Variants in TMTC1 observed in about 807,000 individuals in gnomAD.
The protein encoded by TMTC1 is protein O-mannosyl-transferase TMTC1.
TMTC1 carries 73 observed loss-of-function variants against 104.8 expected under a neutral mutation model. The observed-to-expected ratio is 0.70, with a 90% CI of 0.58 to 0.85. The LOEUF is 0.85. TMTC1 is among the 40% of genes least tolerant of loss of function. The pLI is 0.00. For synonymous variants in TMTC1, 434 were observed against 428.7 expected, an observed-to-expected ratio of 1.01 and a Z score of -0.15; for missense variants, 1,035 against 1,096.1, an observed-to-expected ratio of 0.94 and a Z score of 0.79.
chr12:29,596,916 C>G (rs748976335), intron 7 of TMTC1, among the ~76,000 whole-genome samples: 1 of 152,218 alleles, frequency 6.6e-6, no homozygotes, highest in Non-Finnish European at 1.5e-5. Flanking sequence ...TGGCTTTAGA[C>G]AAAAGACTCA....
At chr12:29,779,624 T>G (rs1943788237) in intron 1 of TMTC1, among the ~76,000 whole-genome samples, 1 of 152,350 alleles carries the variant, frequency 6.6e-6, no homozygotes, top group East Asian at 1.9e-4. Flanking sequence ...TAAGGAAATT[T>G]CTAGCTCTCA....
intron 7 of TMTC1, among the ~76,000 whole-genome samples, chr12:29,587,396 T>A (rs1253424187): frequency 1.3e-5 from 2 of 152,068 alleles, no homozygotes; most frequent in Non-Finnish European, 2.9e-5. Flanking sequence ...TGTAGTGGTA[T>A]GATCATGGCT....
chr12:29,509,187 A>G (rs572402722), intron 17 of TMTC1, among the ~76,000 whole-genome samples: 2 of 152,202 alleles, frequency 1.3e-5, no homozygotes, highest in African/African-American at 2.4e-5. Flanking sequence ...TAGAAAATGC[A>G]TATTTACTGT....
chr12:29,619,881 A>G (rs1247155585), intron 6 of TMTC1, among the ~76,000 whole-genome samples: 1 of 152,222 alleles, frequency 6.6e-6, no homozygotes, highest in African/African-American at 2.4e-5. Context: ...AAAGTGTGTT[A>G]CTACTATTAC....
chr12:29,697,728 A>G (rs916884491), intron 5 of TMTC1, among the ~76,000 whole-genome samples: 5 of 152,160 alleles, frequency 3.3e-5, no homozygotes, highest in Non-Finnish European at 7.4e-5. Context: ...TTGCAGGTGA[A>G]GTCCAAAGAC....
chr12:29,629,642 A>C (rs185493195), intron 6 of TMTC1, among the ~76,000 whole-genome samples: 2 of 152,336 alleles, frequency 1.3e-5, no homozygotes, highest in East Asian at 3.9e-4. Context: ...CAGAAAGCAC[A>C]TTAAAGGTTA....
chr12:29,568,984 A>T (rs1051940426), intron 9 of TMTC1: 2 of 456,034 alleles, frequency 4.4e-6, no homozygotes, highest in South Asian at 3.1e-5. Flanking sequence ...CTTTATTATT[A>T]CTGCAGGAGT....
chr12:29,700,239 G>GTT (rs1486035476), intron 5 of TMTC1, among the ~76,000 whole-genome samples: 7 of 132,770 alleles, frequency 5.3e-5, no homozygotes, highest in Admixed American at 1.5e-4. Flanking sequence ...TTTTTTTTTT[G>GTT]TTTTTTTTTT....
chr12:29,595,898 T>C (rs1946392951), intron 7 of TMTC1, among the ~76,000 whole-genome samples: 1 of 152,216 alleles, frequency 6.6e-6, no homozygotes, highest in African/African-American at 2.4e-5. Context: ...CAGCTTTCTT[T>C]TACACTGTGG....
Position 29,536,207 on chromosome 12 carries a change from A to G in TMTC1, c.1785+2T>C, listed in dbSNP as rs780029935. 1 of 1,587,148 alleles carries G rather than the reference A, an allele frequency of 6.3e-7. No homozygotes were observed. The highest frequency in any genetic ancestry group is 8.6e-7 in the Non-Finnish European group (1 of 1,156,206). On this transcript the variant is annotated splice_donor_variant, in intron 11 of 17. Coordinates refer to ENST00000539277, the MANE Select transcript of TMTC1 (RefSeq NM_001193451.2). LOFTEE classifies it high-confidence loss of function. ...AAAAAAACTACTGTGTGAAACAATT[A>G]CCTGCTCAGCCAATAACGAAGCTAA...
In TMTC1 at chr12:29,550,933, C is replaced by CAAAAAAAAAAAAA. The variant is rs200605964; in HGVS notation, c.1676+5911_1676+5923dup. On this transcript the variant is annotated intron_variant, in intron 10 of 17. Transcript: ENST00000539277. ...TGGGGGAGAGAGTGGGACTCCATCT[C>CAAAAAAAAAAAAA]AAAAAAAAAAAAAAAAAAAAAAAAA... Among the ~76,000 whole-genome samples, 11 of 108,324 alleles carry CAAAAAAAAAAAAA rather than the reference C, an allele frequency of 1.0e-4. 1 individual carries two copies. Among genetic ancestry groups the CAAAAAAAAAAAAA allele is most frequent in the African/African-American group, 4.3e-4 (11 of 25,290 alleles). The allele number at this position is 108,324 out of a possible 152,430, so 71.1% of individuals were successfully genotyped here.
At chr12:29,551,594 T>C (rs1481776776) in intron 10 of TMTC1, among the ~76,000 whole-genome samples, 1 of 152,210 alleles carries the variant, frequency 6.6e-6, no homozygotes, top group Non-Finnish European at 1.5e-5. Context: ...AGGTATGACA[T>C]GGTTCTTCAA....
chr12:29,511,696 G>C (rs1165201334), intron 17 of TMTC1, among the ~76,000 whole-genome samples: 2 of 152,122 alleles, frequency 1.3e-5, no homozygotes, highest in Non-Finnish European at 2.9e-5. Flanking sequence ...AAGAAATTAA[G>C]CTATACTGAG....
At chr12:29,631,934 T>C (rs966847144) in intron 6 of TMTC1, among the ~76,000 whole-genome samples, 2 of 152,234 alleles carry the variant, frequency 1.3e-5, no homozygotes, top group Admixed American at 6.5e-5. Flanking sequence ...AATTTTCCAA[T>C]CTCTGCTGCT....
At chr12:29,767,079 A>G (rs1010365376) in intron 2 of TMTC1, among the ~76,000 whole-genome samples, 8 of 151,542 alleles carry the variant, frequency 5.3e-5, no homozygotes, top group Non-Finnish European at 8.8e-5. Context: ...CCTCCCAAGT[A>G]GCTGGAATTA....
At chr12:29,647,399 A>G (rs189653794) in intron 5 of TMTC1, among the ~76,000 whole-genome samples, 1 of 152,324 alleles carries the variant, frequency 6.6e-6, no homozygotes, top group East Asian at 1.9e-4. Context: ...AGAGCAGTTC[A>G]TTTTGCACAG....
chr12:29,756,173 A>G (rs1943210938), intron 3 of TMTC1, among the ~76,000 whole-genome samples: 1 of 152,256 alleles, frequency 6.6e-6, no homozygotes, highest in South Asian at 2.1e-4. Flanking sequence ...AAGTGAATAC[A>G]TTCTAAGTGA....
Position 29,693,040 on chromosome 12 carries a change from G to T in TMTC1, c.938+58626C>A, listed in dbSNP as rs958671597. 2.8e-5 allele frequency among the ~76,000 whole-genome samples: 4 copies of T among 144,908 alleles called. 1 individual carries two copies. The highest frequency in any genetic ancestry group is 1.0e-4 in the African/African-American group (4 of 39,632). On this transcript the variant is annotated intron_variant, in intron 5 of 17. Coordinates refer to ENST00000539277, the MANE Select transcript of TMTC1 (RefSeq NM_001193451.2). ...CCATCAGGGGTCTTTTTAGAGGGGT[G>T]AGAATATTATAAGAGTGAACCGTAG...
Position 29,502,935 on chromosome 12 carries a change from G to A in TMTC1, c.*3911C>T, listed in dbSNP as rs906089670. On this transcript the variant is annotated 3_prime_UTR_variant, in exon 18 of 18. Coordinates refer to ENST00000539277, the MANE Select transcript of TMTC1 (RefSeq NM_001193451.2). ...GTGAGGGAACAGATGTCAACTATCA[G>A]CTGAATGTAGCTCTTCAATCTGAGA... 1.3e-5 allele frequency: 2 copies of A among 152,154 alleles called. No homozygotes were observed. The highest frequency in any genetic ancestry group is 2.4e-5 in the African/African-American group (1 of 41,432). The allele number at this position is 152,154 out of a possible 1,614,324, so 9.4% of individuals were successfully genotyped here. A position where few individuals can be genotyped will look rare whatever the true frequency, so the allele number is the denominator to read the frequency against.
Sources: gnomAD v4.1 joint callset for allele counts (sites outside exome capture counted in the v4.1 genomes callset) on GRCh38, gnomAD v4.1.1 for gene constraint, MANE v1.5 for transcripts, NCBI Gene and HGNC (gene_info 2026-07-23, HGNC 2026-07-21) for gene names.